PRKAR1A: variants seen among roughly 807,000 people sequenced by gnomAD.
The protein encoded by PRKAR1A is cAMP-dependent protein kinase type I-alpha regulatory subunit.
Under a neutral mutation model 52.0 loss-of-function variants are expected in PRKAR1A, and 3 were observed. The ratio of observed to expected loss-of-function variants is 0.06; its 90% CI spans 0.03 to 0.15. PRKAR1A has a LOEUF of 0.15. PRKAR1A is among the 10% of genes least tolerant of loss of function. PRKAR1A has a pLI of 1.00. For synonymous variants in PRKAR1A, 188 were observed against 168.4 expected (o/e 1.12, Z -0.90); for missense variants, 240 against 477.4 (o/e 0.50, Z 4.63).
chr17:68,458,476 G>A, the PRKAR1A span, among the ~76,000 whole-genome samples: 1 of 152,134 alleles, frequency 6.6e-6, no homozygotes, highest in Non-Finnish European at 1.5e-5. Context: ...GCTGGAAGGT[G>A]GGGGGAAGCA....
At chr17:68,431,768 A>G in the PRKAR1A span, among the ~76,000 whole-genome samples, 441 of 9,212 alleles carry the variant, frequency 0.048, 5 homozygotes, top group South Asian at 0.054. Context: ...ACACCCGTGG[A>G]CAGGTTGAGC....
the PRKAR1A span, among the ~76,000 whole-genome samples, chr17:68,469,337 C>T: frequency 6.6e-6 from 1 of 151,828 alleles, no homozygotes; most frequent in Admixed American, 6.6e-5. Context: ...CCCCCAGGAG[C>T]TTTTTTTTCT....
In PRKAR1A at chr17:68,515,565, A is replaced by C; in HGVS notation, c.166A>C (p.Arg56=). The C allele has an allele frequency of 6.2e-7, 1 of 1,612,218 alleles. No homozygotes were observed. The highest frequency in any genetic ancestry group is 1.3e-5 in the African/African-American group (1 of 74,980). ...GGCATTCCTCAGGGAATACTTTGAG[A>C]GGTTGGAGAAGGTAAAAATAAATGT... ...PMAFLREYFE[R]LEKEEAKQIQ... Residue 56 remains arginine (R), a synonymous_variant, in exon 2 of 11, where the codon AGG becomes CGG. Transcript: ENST00000589228.
chr17:68,536,327 G>A (rs2086095286), downstream of PRKAR1A: 5 of 454,034 alleles, frequency 1.1e-5, no homozygotes, highest in South Asian at 7.8e-5. Flanking sequence ...TGACTGACTA[G>A]TCACTCCATG....
chr17:68,523,830 C>A lies in PRKAR1A; in HGVS notation c.440+14C>A, dbSNP rs200881321. 4.8e-5 allele frequency: 77 copies of A among 1,610,340 alleles called. 1 individual carries two copies. The Middle Eastern group carries it at 5.0e-4, about 10-fold the overall frequency. On this transcript the variant is annotated intron_variant, in intron 4 of 10. Coordinates refer to ENST00000589228, the MANE Select transcript of PRKAR1A (RefSeq NM_002734.5). ...TAATGAGAGAAGGTAGGAACAGGCT[C>A]TTTCTTAACACTATTTTTCAAGTAA... is the stretch of plus-strand genomic sequence containing the variant.
chr17:68,529,861 G>A, intron 9 of PRKAR1A, 59 bp from the exon 10 acceptor site: 3 of 1,522,574 alleles, frequency 2.0e-6, no homozygotes, highest in Non-Finnish European at 9.1e-7. Context: ...GGATGTTTAA[G>A]GTGCCACCCT....
downstream of PRKAR1A, among the ~76,000 whole-genome samples, chr17:68,538,417 G>A (rs1050969606): frequency 6.6e-6 from 1 of 152,206 alleles, no homozygotes; most frequent in African/African-American, 2.4e-5. Flanking sequence ...GCTCTACTCC[G>A]AGTTTTCCAG....
At chr17:68,540,828 G>T (rs760304014) in intron 11 of PRKAR1A, 3 of 1,578,954 alleles carry the variant, frequency 1.9e-6, no homozygotes, top group Admixed American at 3.6e-5. Context: ...TTCTGCTGGG[G>T]GCCTGCGTGT....
intron 6 of PRKAR1A, 48 bp downstream of exon 6, chr17:68,525,006 A>G (rs895164077): frequency 9.6e-6 from 14 of 1,453,102 alleles, no homozygotes; most frequent in Admixed American, 3.4e-5. Context: ...AAGCCAATGT[A>G]TTGATCGCTT....
At chr17:68,459,973 A>G in the PRKAR1A span, among the ~76,000 whole-genome samples, 1 of 151,668 alleles carries the variant, frequency 6.6e-6, no homozygotes, top group Non-Finnish European at 1.5e-5. Context: ...GGCCCCCGCC[A>G]CCATGCCCAG....
the PRKAR1A span, among the ~76,000 whole-genome samples, chr17:68,474,943 A>T: frequency 6.6e-6 from 1 of 152,214 alleles, no homozygotes; most frequent in African/African-American, 2.4e-5. Flanking sequence ...TTGCTAACTT[A>T]AGTAAATTTT....
At chr17:68,421,691 G>T in the PRKAR1A span, 1 of 1,589,928 alleles carries the variant, frequency 6.3e-7, no homozygotes, top group Non-Finnish European at 8.6e-7. Flanking sequence ...TCACACAATT[G>T]CACTCCATTC....
At chr17:68,437,158 A>T in the PRKAR1A span, among the ~76,000 whole-genome samples, 120,029 of 152,014 alleles carry the variant, frequency 0.79, 47,611 homozygotes, top group African/African-American at 0.85. Flanking sequence ...ATCTTCCTAT[A>T]GTGAAAAGTC....
chr17:68,530,462 G>C lies in PRKAR1A; in HGVS notation c.*13G>C, dbSNP rs753860285. ...ACTGTCTGTCTGAAATCTGCCTCCT[G>C]TGCCTCCCTTTTCTCCTCTCCCCAA... On this transcript the variant is annotated 3_prime_UTR_variant, in exon 11 of 11. Transcript: ENST00000589228. The C allele has an allele frequency of 1.9e-6, 3 of 1,613,848 alleles. No homozygotes were observed. The highest frequency in any genetic ancestry group is 2.5e-6 in the Non-Finnish European group (3 of 1,179,908).
At chr17:68,426,254 G>GCCCCCCCCCCCCCCCC in the PRKAR1A span, 3 of 816,920 alleles carry the variant, frequency 3.7e-6, no homozygotes, top group African/African-American at 1.7e-5. Context: ...GGGAGCGGGG[G>GCCCCCCCCCCCCCCCC]CTCAAATAAA....
At chr17:68,511,662 CG>C (rs1299326270), upstream of PRKAR1A, 1 of 242 alleles carries the variant, frequency 4.1e-3, no homozygotes, top group Non-Finnish European at 5.1e-3. Context: ...ACAGCACCCC[CG>C]GCGGGGGAGA....
At position 68,513,981 on chromosome 17, in the gene PRKAR1A, C is replaced by G. The variant is rs148338034; in HGVS notation, c.-6-1413C>G. ...AGTATTATTTGAAATGCAGACAATT[C>G]TACTGAAGTGGATCTTCAGTTCATA... On this transcript the variant is annotated intron_variant, in intron 1 of 10. Transcript: ENST00000589228. Among the ~76,000 whole-genome samples, 588 of 152,254 alleles carry G rather than the reference C, an allele frequency of 3.9e-3. 10 individuals carry two copies. Among genetic ancestry groups the G allele is most frequent in the African/African-American group, 0.014 (576 of 41,546 alleles).
At chr17:68,449,250 A>T in the PRKAR1A span, among the ~76,000 whole-genome samples, 1 of 152,242 alleles carries the variant, frequency 6.6e-6, no homozygotes, top group Non-Finnish European at 1.5e-5. Context: ...CAGTCAGGAA[A>T]CAGATATTTA....
the PRKAR1A span, chr17:68,457,516 G>A: frequency 1.0e-5 from 9 of 863,750 alleles, no homozygotes; most frequent in Non-Finnish European, 1.3e-5. Flanking sequence ...CGCCGGTCCT[G>A]CCCCGCCCCT....
Sources: gnomAD v4.1 joint callset for allele counts (sites outside exome capture counted in the v4.1 genomes callset) on GRCh38, gnomAD v4.1.1 for gene constraint, MANE v1.5 for transcripts, NCBI Gene and HGNC (gene_info 2026-07-23, HGNC 2026-07-21) for gene names.